Variants in ZFPM2 observed in about 807,000 individuals in gnomAD.
ZFPM2 encodes zinc finger protein, FOG family member 2, also known as zinc finger protein ZFPM2.
Under a neutral mutation model 98.6 loss-of-function variants are expected in ZFPM2, and 20 were observed. The observed-to-expected ratio is 0.20, with a 90% CI of 0.14 to 0.29. ZFPM2 has a LOEUF of 0.29. Among genes scored for constraint, ZFPM2 ranks in the 10% least tolerant of loss-of-function variants. The pLI, the probability that ZFPM2 is intolerant of heterozygous loss-of-function variation, is 1.00. For synonymous variants in ZFPM2, 518 were observed against 502.7 expected (o/e 1.03, Z -0.41); for missense variants, 1,310 against 1,388.6 (o/e 0.94, Z 0.90).
intron 5 of ZFPM2, among the ~76,000 whole-genome samples, chr8:105,721,035 G>A (rs953564028): frequency 6.6e-6 from 1 of 151,862 alleles, no homozygotes; most frequent in African/African-American, 2.4e-5. Context: ...TTCCTTTTTA[G>A]CGACCCATGC....
chr8:105,380,912 ATG>A (rs1491503657), intron 1 of ZFPM2, among the ~76,000 whole-genome samples: 3 of 106,796 alleles, frequency 2.8e-5, no homozygotes, highest in African/African-American at 1.1e-4. Context: ...TATAATATAT[ATG>A]TTATATATAT....
chr8:105,750,714 T>C (rs754679015), intron 5 of ZFPM2, among the ~76,000 whole-genome samples: 18 of 151,964 alleles, frequency 1.2e-4, no homozygotes, highest in Non-Finnish European at 2.2e-4. Flanking sequence ...GTAATACTCA[T>C]AGTTTTCCTG....
At chr8:105,751,272 G>A (rs903477093) in intron 5 of ZFPM2, among the ~76,000 whole-genome samples, 2 of 152,074 alleles carry the variant, frequency 1.3e-5, no homozygotes, top group East Asian at 1.9e-4. Flanking sequence ...AAGATTAAAT[G>A]TGTCTCAAAT....
chr8:105,582,674 A>C (rs183558810), intron 4 of ZFPM2, among the ~76,000 whole-genome samples: 1 of 151,976 alleles, frequency 6.6e-6, no homozygotes, highest in African/African-American at 2.4e-5. Context: ...ACTCACTGCC[A>C]CCTCCACCTC....
At chr8:105,699,783 C>T (rs1403084159) in intron 5 of ZFPM2, among the ~76,000 whole-genome samples, 1 of 151,904 alleles carries the variant, frequency 6.6e-6, no homozygotes, top group African/African-American at 2.4e-5. Context: ...AAAAATTAAT[C>T]TAAACTAGCT....
At chr8:105,786,799 AAG>A (rs1251336768) in intron 5 of ZFPM2, among the ~76,000 whole-genome samples, 1 of 152,188 alleles carries the variant, frequency 6.6e-6, no homozygotes, top group Non-Finnish European at 1.5e-5. Context: ...CACAGTGATA[AAG>A]ATTATTTTTG....
At chr8:105,786,516 T>C (rs1296447091) in intron 5 of ZFPM2, among the ~76,000 whole-genome samples, 1 of 152,210 alleles carries the variant, frequency 6.6e-6, no homozygotes, top group Non-Finnish European at 1.5e-5. Flanking sequence ...ACAGTACATT[T>C]TCAGTCCAAT....
chr8:105,739,031 G>A (rs535666093), intron 5 of ZFPM2, among the ~76,000 whole-genome samples: 2 of 152,070 alleles, frequency 1.3e-5, no homozygotes, highest in Non-Finnish European at 2.9e-5. Flanking sequence ...AGAATATGAA[G>A]TGTTTATTGG....
At chr8:105,794,485 C>T (rs1398950875) in intron 6 of ZFPM2, among the ~76,000 whole-genome samples, 1 of 152,182 alleles carries the variant, frequency 6.6e-6, no homozygotes, top group East Asian at 1.9e-4. Flanking sequence ...TCAGTCTGCC[C>T]CTACTGGGGG....
chr8:105,411,248 T>C (rs1362695297), intron 1 of ZFPM2, among the ~76,000 whole-genome samples: 3 of 151,842 alleles, frequency 2.0e-5, no homozygotes, highest in Non-Finnish European at 4.4e-5. Context: ...AAGATAGAAT[T>C]ATAACAAAGG....
At chr8:105,421,729 A>G (rs549043399) in intron 2 of ZFPM2, among the ~76,000 whole-genome samples, 33 of 152,244 alleles carry the variant, frequency 2.2e-4, no homozygotes, top group African/African-American at 6.3e-4. Context: ...TTTATTGCCA[A>G]TTGTGAGGAA....
intron 3 of ZFPM2, 61 bp from the exon 4 acceptor site, chr8:105,561,302 G>T: frequency 7.9e-7 from 1 of 1,267,426 alleles, no homozygotes; most frequent in South Asian, 1.2e-5. Context: ...CACACAAAAA[G>T]AGGTGGCTGC....
chr8:105,417,215 A>G lies in ZFPM2; in HGVS notation c.41-1929A>G, dbSNP rs1276416706. Among the ~76,000 whole-genome samples the G allele has an allele frequency of 3.9e-5, 6 of 152,168 alleles. No homozygotes were observed. In the East Asian group the frequency reaches 1.2e-3, roughly 29 times the overall value. Reference sequence around the variant, plus strand: ...ACTTATCAGTTGGAAACCTTATTCTAGTTAACTAACCTCGTGAACTTCATT... The same window carrying G: ...ACTTATCAGTTGGAAACCTTATTCTGGTTAACTAACCTCGTGAACTTCATT... On this transcript the variant is annotated intron_variant, in intron 1 of 7. Coordinates refer to ENST00000407775, the MANE Select transcript of ZFPM2 (RefSeq NM_012082.4).
intron 5 of ZFPM2, among the ~76,000 whole-genome samples, chr8:105,743,395 A>C (rs548350349): frequency 9.9e-5 from 15 of 152,066 alleles, no homozygotes; most frequent in African/African-American, 3.4e-4. Context: ...AAAAAGAGAG[A>C]TAAAGGTCAT....
chr8:105,473,517 G>C (rs530465973), intron 3 of ZFPM2, among the ~76,000 whole-genome samples: 1 of 152,110 alleles, frequency 6.6e-6, no homozygotes, highest in African/African-American at 2.4e-5. Context: ...TAAATATTTA[G>C]TGATTCGAGA....
At chr8:105,651,511 AC>A (rs1817175551) in intron 5 of ZFPM2, among the ~76,000 whole-genome samples, 1 of 150,770 alleles carries the variant, frequency 6.6e-6, no homozygotes, top group Admixed American at 6.6e-5. Context: ...GCTTATATCT[AC>A]CCTTGGACAT....
chr8:105,608,272 T>C (rs1333863833), intron 4 of ZFPM2, among the ~76,000 whole-genome samples: 18 of 152,008 alleles, frequency 1.2e-4, no homozygotes, highest in Non-Finnish European at 1.8e-4. Flanking sequence ...TACAACAAGT[T>C]TACCTGTGTA....
intron 1 of ZFPM2, among the ~76,000 whole-genome samples, chr8:105,396,354 G>T (rs1266227467): frequency 6.6e-6 from 1 of 152,202 alleles, no homozygotes; most frequent in Non-Finnish European, 1.5e-5. Flanking sequence ...GTTTGATGGA[G>T]TGTGAGTACC....
chr8:105,784,424 T>C (rs1813353004), intron 5 of ZFPM2, among the ~76,000 whole-genome samples: 2 of 144,250 alleles, frequency 1.4e-5, no homozygotes, highest in Non-Finnish European at 1.5e-5. Flanking sequence ...GATTTGTTCA[T>C]TGAATTCATA....
Sources: gnomAD v4.1 joint callset for allele counts (sites outside exome capture counted in the v4.1 genomes callset) on GRCh38, gnomAD v4.1.1 for gene constraint, MANE v1.5 for transcripts, NCBI Gene and HGNC (gene_info 2026-07-23, HGNC 2026-07-21) for gene names.